The following KIF26B variants were observed in gnomAD, a reference collection of about 807,000 sequenced individuals.
KIF26B encodes kinesin-like protein KIF26B.
In KIF26B, 63 loss-of-function variants were observed where a neutral mutation model predicts 151.2. That is an observed-to-expected ratio of 0.42 (90% CI 0.34 to 0.51). KIF26B has a LOEUF of 0.51. Among genes scored for constraint, KIF26B ranks in the 20% least tolerant of loss-of-function variants. KIF26B has a pLI of 0.07. For synonymous variants in KIF26B, 1,357 were observed against 1,262.1 expected, an observed-to-expected ratio of 1.08 and a Z score of -1.59; for missense variants, 2,813 against 2,913.6, an observed-to-expected ratio of 0.97 and a Z score of 0.79.
intron 3 of KIF26B, among the ~76,000 whole-genome samples, chr1:245,369,273 G>T (rs151221233): frequency 6.6e-6 from 1 of 152,092 alleles, no homozygotes; most frequent in African/African-American, 2.4e-5. Flanking sequence ...CAATCTACCC[G>T]TGAGCCCAGG....
At chr1:245,613,720 C>A (rs534674759) in intron 9 of KIF26B, among the ~76,000 whole-genome samples, 2 of 152,354 alleles carry the variant, frequency 1.3e-5, no homozygotes, top group Admixed American at 6.5e-5. Flanking sequence ...GAGCTCTTTG[C>A]GGGCTTCTGC....
At chr1:245,637,520 T>G (rs1231699582) in intron 9 of KIF26B, among the ~76,000 whole-genome samples, 2 of 152,072 alleles carry the variant, frequency 1.3e-5, no homozygotes, top group African/African-American at 4.8e-5. Flanking sequence ...TAGCTTGATG[T>G]AATCCCACTT....
chr1:245,511,771 A>G (rs1345820174), intron 4 of KIF26B, among the ~76,000 whole-genome samples: 1 of 152,240 alleles, frequency 6.6e-6, no homozygotes, highest in Non-Finnish European at 1.5e-5. Context: ...TATACCAGTC[A>G]GAGACTTTTC....
intron 9 of KIF26B, among the ~76,000 whole-genome samples, chr1:245,640,160 T>TATATATATACACAC (rs796722836): frequency 3.6e-5 from 2 of 54,846 alleles, no homozygotes; most frequent in Admixed American, 1.6e-4. Flanking sequence ...TATATATATA[T>TATATATATACACAC]ACCCTGCTAT....
Position 245,564,497 on chromosome 1 carries a change from A to G in KIF26B, c.1350+23547A>G, listed in dbSNP as rs889018623. Among the ~76,000 whole-genome samples, 5 of 152,162 alleles carry G rather than the reference A, an allele frequency of 3.3e-5. No homozygotes were observed. Among genetic ancestry groups the G allele is most frequent in the African/African-American group, 4.8e-5 (2 of 41,422 alleles). On this transcript the variant is annotated intron_variant, in intron 5 of 14. Transcript: ENST00000407071. This position sits in a 1 kb window ranked among gnomAD's most constrained non-coding sequence, Gnocchi z 4.6. ...GGAGGGACAGCATCGCCTCAGTGAAAGTTTTGGGTTAAACACTGTCTGCAG... is the reference window on the plus strand; with the variant it reads ...GGAGGGACAGCATCGCCTCAGTGAAGGTTTTGGGTTAAACACTGTCTGCAG...
intron 4 of KIF26B, among the ~76,000 whole-genome samples, chr1:245,526,234 T>G (rs1296117546): frequency 6.6e-6 from 1 of 152,124 alleles, no homozygotes; most frequent in Non-Finnish European, 1.5e-5. Flanking sequence ...TTTGCCATGG[T>G]TTTTAGCAAT....
chr1:245,548,799 A>G (rs1661810718), intron 5 of KIF26B, among the ~76,000 whole-genome samples: 1 of 150,838 alleles, frequency 6.6e-6, no homozygotes, highest in South Asian at 2.1e-4. Flanking sequence ...GCTAGAGTGC[A>G]ATGGCACAAT....
intron 2 of KIF26B, among the ~76,000 whole-genome samples, chr1:245,280,784 GT>G (rs1264114073): frequency 3.5e-5 from 4 of 115,318 alleles, no homozygotes; most frequent in African/African-American, 1.4e-4. Context: ...TCCCCAGAGT[GT>G]GATATTCCCC....
chr1:245,323,518 G>C (rs1671925700), intron 2 of KIF26B, among the ~76,000 whole-genome samples: 1 of 152,174 alleles, frequency 6.6e-6, no homozygotes, highest in Admixed American at 6.5e-5. Context: ...TTTTGAGAAA[G>C]GTCTCTCTTG....
At position 245,569,253 on chromosome 1, in the gene KIF26B, C is replaced by T. The variant is rs554705539; in HGVS notation, c.1350+28303C>T. ...TTGACTGTCTCCCAAAGTATCCCAC[C>T]GAGCCTTAAGAAAAAGTTCCCCTTA... is the stretch of plus-strand genomic sequence containing the variant. On this transcript the variant is annotated intron_variant, in intron 5 of 14. Transcript: ENST00000407071. Among the ~76,000 whole-genome samples, 36 of 152,210 alleles carry T rather than the reference C, an allele frequency of 2.4e-4. 1 individual carries two copies. The highest frequency in any genetic ancestry group is 2.0e-3 in the Admixed American group (30 of 15,294).
At chr1:245,614,398 C>A (rs1200428611) in intron 9 of KIF26B, among the ~76,000 whole-genome samples, 1 of 152,194 alleles carries the variant, frequency 6.6e-6, no homozygotes, top group Non-Finnish European at 1.5e-5. Context: ...TGGTCTTGAA[C>A]TCCTGACCTC....
intron 2 of KIF26B, among the ~76,000 whole-genome samples, chr1:245,310,571 A>C (rs1671646514): frequency 6.6e-6 from 1 of 152,220 alleles, no homozygotes; most frequent in South Asian, 2.1e-4. Flanking sequence ...GAATAAAACT[A>C]TCTTCCCTTT....
At chr1:245,670,638 C>T (rs2147940730) in intron 10 of KIF26B, among the ~76,000 whole-genome samples, 1 of 151,862 alleles carries the variant, frequency 6.6e-6, no homozygotes, top group Admixed American at 6.5e-5. Flanking sequence ...ATTGTTCATC[C>T]ACAAATGAGG....
chr1:245,244,196 A>G lies in KIF26B; in HGVS notation c.465+87513A>G, dbSNP rs1028242240. On this transcript the variant is annotated intron_variant, in intron 2 of 14. Coordinates refer to ENST00000407071, the MANE Select transcript of KIF26B (RefSeq NM_018012.4). This position sits in a 1 kb window ranked among gnomAD's most constrained non-coding sequence, Gnocchi z 4.2. ...GATCTCGAACTCCTGGCCTCAAGCA[A>G]TCTTTCCACCTTAGCCTCCCAAAGT... 1.3e-5 allele frequency among the ~76,000 whole-genome samples: 2 copies of G among 152,142 alleles called. No homozygotes were observed. The highest frequency in any genetic ancestry group is 4.8e-5 in the African/African-American group (2 of 41,424).
chr1:245,360,269 G>A lies in KIF26B; in HGVS notation c.466-6565G>A, dbSNP rs77922106. Among the ~76,000 whole-genome samples the A allele has an allele frequency of 9.2e-3, 1,402 of 152,014 alleles. 23 individuals are homozygous for A. The highest frequency in any genetic ancestry group is 0.041 in the East Asian group (211 of 5,170). On this transcript the variant is annotated intron_variant, in intron 2 of 14. Transcript: ENST00000407071. ...CCTCTCTGTTCTTAATTGCAAAAGC[G>A]CCAAATCCTCCTAGATAAAAGACAG...
chr1:245,343,895 A>G (rs1672386090), intron 2 of KIF26B, among the ~76,000 whole-genome samples: 1 of 152,214 alleles, frequency 6.6e-6, no homozygotes, highest in Admixed American at 6.5e-5. Context: ...AGTGTTAAAA[A>G]ATAATGAAAT....
intron 9 of KIF26B, chr1:245,614,785 T>C (rs1181034725): frequency 6.6e-6 from 1 of 152,270 alleles, no homozygotes; most frequent in Admixed American, 6.5e-5. Flanking sequence ...TCGGGAGATG[T>C]ATTCTTGGTA....
At chr1:245,429,663 G>T (rs1373151766) in intron 4 of KIF26B, among the ~76,000 whole-genome samples, 3 of 152,166 alleles carry the variant, frequency 2.0e-5, no homozygotes, top group African/African-American at 7.2e-5. Flanking sequence ...TCCCAGCCCA[G>T]ATTGCAGTGG....
chr1:245,668,845 A>T (rs6702495), intron 10 of KIF26B, among the ~76,000 whole-genome samples: 9,925 of 152,094 alleles, frequency 0.065, 976 homozygotes, highest in African/African-American at 0.21. Context: ...ACGCACCACC[A>T]TGCCTGGCTA....
Sources: allele counts gnomAD v4.1 joint callset (sites outside exome capture counted in the v4.1 genomes callset), GRCh38; gene constraint gnomAD v4.1.1; non-coding constraint Gnocchi (gnomAD v3.1); transcripts MANE v1.5; gene names NCBI Gene and HGNC (gene_info 2026-07-23, HGNC 2026-07-21).